STK32B: variants seen among roughly 807,000 people sequenced by gnomAD.
STK32B encodes the protein serine/threonine-protein kinase 32B.
In STK32B, 43 loss-of-function variants were observed where a neutral mutation model predicts 52.6. That is an observed-to-expected ratio of 0.82 (90% CI 0.64 to 1.05). The LOEUF (loss-of-function observed/expected upper bound fraction) is 1.05, where lower values mean the gene tolerates loss of function less well. Ranked by LOEUF, STK32B falls within the 50% of genes least tolerant of loss-of-function variation. STK32B has a pLI of 0.00. For synonymous variants in STK32B, 238 were observed against 204.3 expected, an observed-to-expected ratio of 1.17 and a Z score of -1.41; for missense variants, 621 against 534.6, an observed-to-expected ratio of 1.16 and a Z score of -1.59.
rs530202040 is a variant in STK32B at position 5,467,767 on chromosome 4, T to C, written c.1042-239T>C. On this transcript the variant is annotated intron_variant, in intron 10 of 11. Transcript: ENST00000282908. The surrounding 1 kb of genome is among the most constrained non-coding windows in gnomAD (Gnocchi z 5.8). ...TTTCAGCCCATATTCCATTCTAACA[T>C]GGCTTTTAAGTTGGATTTCATGGCT... Among the ~76,000 whole-genome samples, 3 of 152,144 alleles carry C rather than the reference T, an allele frequency of 2.0e-5. No individual in the cohort carries two copies. Among genetic ancestry groups the C allele is most frequent in the Non-Finnish European group, 4.4e-5 (3 of 68,024 alleles).
At chr4:5,209,389 T>A (rs1435304410) in intron 3 of STK32B, among the ~76,000 whole-genome samples, 1 of 151,234 alleles carries the variant, frequency 6.6e-6, no homozygotes, top group African/African-American at 2.5e-5. Context: ...GCCTGGCTAA[T>A]TTTTTTGTAT....
At chr4:5,226,952 C>G (rs999192477) in intron 3 of STK32B, among the ~76,000 whole-genome samples, 2 of 151,952 alleles carry the variant, frequency 1.3e-5, no homozygotes, top group Admixed American at 6.6e-5. Flanking sequence ...TTATTTTTTT[C>G]AAAATGAAAA....
chr4:5,452,094 A>G (rs764274707), intron 7 of STK32B, among the ~76,000 whole-genome samples: 29 of 152,064 alleles, frequency 1.9e-4, no homozygotes, highest in African/African-American at 6.8e-4. Flanking sequence ...ATGAGCAGAG[A>G]TGTGTTCCCA....
At chr4:5,159,548 T>A (rs1006478403) in intron 2 of STK32B, among the ~76,000 whole-genome samples, 24 of 90,298 alleles carry the variant, frequency 2.7e-4, no homozygotes, top group African/African-American at 1.3e-3. Context: ...TATGTATATA[T>A]ATGAATATAT....
chr4:5,130,739 C>A (rs928926534), intron 1 of STK32B, among the ~76,000 whole-genome samples: 3 of 152,142 alleles, frequency 2.0e-5, no homozygotes, highest in Non-Finnish European at 4.4e-5. Flanking sequence ...CCATTCCTGC[C>A]TGAGGAAATG....
At chr4:5,091,754 A>G (rs1338057742) in intron 1 of STK32B, among the ~76,000 whole-genome samples, 1 of 152,360 alleles carries the variant, frequency 6.6e-6, no homozygotes, top group South Asian at 2.1e-4. Flanking sequence ...TATTCACACA[A>G]AAACATGCAG....
At position 5,123,041 on chromosome 4, in the gene STK32B, CCTT is replaced by C. The variant is rs146398333; in HGVS notation, c.53-16860_53-16858del. ...TTTCTCATTTCTCACTGCTGGGTCC[CCTT>C]CTTTATCACCACAGCTGCCTCAAAC... On this transcript the variant is annotated intron_variant, in intron 1 of 11. Coordinates refer to ENST00000282908, the MANE Select transcript of STK32B (RefSeq NM_018401.3). 3.4e-3 allele frequency among the ~76,000 whole-genome samples: 516 copies of C among 152,210 alleles called. 15 individuals are homozygous for C. In the East Asian group the frequency reaches 0.076, roughly 22 times the overall value.
rs28717080 is a variant in STK32B, at chr4:5,285,788, G to T, written c.261-45432G>T. Among the ~76,000 whole-genome samples, 4 of 152,042 alleles carry T rather than the reference G, an allele frequency of 2.6e-5. No individual in the cohort carries two copies. The East Asian group carries it at 5.8e-4, about 22-fold the overall frequency. On this transcript the variant is annotated intron_variant, in intron 3 of 11. Transcript: ENST00000282908. ...AGCTAATGGAGAGAAATACAACTCT[G>T]CATGAAACAGTAAAACTGAATGTCA... is the stretch of plus-strand genomic sequence containing the variant.
At chr4:5,292,310 T>G (rs1728941810) in intron 3 of STK32B, among the ~76,000 whole-genome samples, 1 of 152,128 alleles carries the variant, frequency 6.6e-6, no homozygotes, top group Admixed American at 6.5e-5. Context: ...AAATCTATTA[T>G]TTTTTGACTT....
intron 3 of STK32B, among the ~76,000 whole-genome samples, chr4:5,316,547 C>T (rs1256051398): frequency 0.015 from 4 of 266 alleles, no homozygotes; most frequent in Non-Finnish European, 0.019. Context: ...ATATATATTA[C>T]ATATATAATA....
chr4:5,149,109 AC>A (rs1717145394), intron 2 of STK32B, among the ~76,000 whole-genome samples: 1 of 151,820 alleles, frequency 6.6e-6, no homozygotes, highest in African/African-American at 2.4e-5. Flanking sequence ...AGTTGGTGTT[AC>A]TTTTTAAAAT....
At chr4:5,141,952 C>T (rs552111948) in intron 2 of STK32B, among the ~76,000 whole-genome samples, 2 of 151,538 alleles carry the variant, frequency 1.3e-5, no homozygotes, top group East Asian at 3.9e-4. Flanking sequence ...GAAGGACTTC[C>T]CCCCTGGAAC....
chr4:5,440,233 T>C (rs1369958872), intron 6 of STK32B, among the ~76,000 whole-genome samples: 1 of 152,230 alleles, frequency 6.6e-6, no homozygotes, highest in Non-Finnish European at 1.5e-5. Flanking sequence ...TTCCTACCCA[T>C]GAGCATGGAA....
rs1388677059 is a variant in STK32B, at chr4:5,051,577, G to T, written c.-287G>T. ...GTTGGCCCCGGCGCGAGGAGCTCCC[G>T]GGTTCCCGGGCGGGCACTGGAGTAA... On this transcript the variant is annotated 5_prime_UTR_variant, in exon 1 of 12. Coordinates refer to ENST00000282908, the MANE Select transcript of STK32B (RefSeq NM_018401.3). 1.3e-5 allele frequency: 5 copies of T among 395,552 alleles called. No individual in the cohort carries two copies. The highest frequency in any genetic ancestry group is 8.4e-5 in the African/African-American group (4 of 47,416). 24.5% of individuals were successfully genotyped at this position (395,552 alleles called of 1,614,324 possible).
chr4:5,210,788 T>C (rs991407472), intron 3 of STK32B, among the ~76,000 whole-genome samples: 3 of 150,854 alleles, frequency 2.0e-5, no homozygotes, highest in African/African-American at 7.4e-5. Context: ...AAATTAAGTT[T>C]TAGAAATACT....
chr4:5,302,461 A>G (rs989886807), intron 3 of STK32B, among the ~76,000 whole-genome samples: 1 of 152,128 alleles, frequency 6.6e-6, no homozygotes, highest in Non-Finnish European at 1.5e-5. Flanking sequence ...TTGTACATTT[A>G]GATCTACAAG....
intron 11 of STK32B, among the ~76,000 whole-genome samples, chr4:5,477,437 G>A (rs1159057264): frequency 6.6e-6 from 1 of 152,128 alleles, no homozygotes; most frequent in African/African-American, 2.4e-5. Context: ...ACAGTCTAGA[G>A]GTCCTGATGG....
intron 3 of STK32B, among the ~76,000 whole-genome samples, chr4:5,172,562 A>T (rs927306931): frequency 6.6e-6 from 1 of 152,184 alleles, no homozygotes; most frequent in African/African-American, 2.4e-5. Context: ...ATCTATTGAG[A>T]TAACCATGTG....
At chr4:5,496,387 G>A (rs970020678) in intron 11 of STK32B, among the ~76,000 whole-genome samples, 1 of 152,210 alleles carries the variant, frequency 6.6e-6, no homozygotes, top group Non-Finnish European at 1.5e-5. Flanking sequence ...CGAGCCAGGT[G>A]CGGGATATCT....
Sources: gnomAD v4.1 joint callset for allele counts (sites outside exome capture counted in the v4.1 genomes callset) on GRCh38, gnomAD v4.1.1 for gene constraint, Gnocchi (gnomAD v3.1) non-coding constraint, MANE v1.5 for transcripts, NCBI Gene and HGNC (gene_info 2026-07-23, HGNC 2026-07-21) for gene names.